The following FAM227B variants were observed in gnomAD, a reference collection of about 807,000 sequenced individuals.
FAM227B encodes the protein protein FAM227B.
A neutral mutation model predicts 73.8 loss-of-function variants in FAM227B; 88 were observed. The observed-to-expected ratio is 1.19, with a 90% CI of 1.00 to 1.42. The LOEUF is 1.42. FAM227B is among the 40% of genes most tolerant of loss of function. The pLI is 0.00. For synonymous variants in FAM227B, 210 were observed against 190.5 expected (o/e 1.10, Z -0.84); for missense variants, 632 against 590.9 (o/e 1.07, Z -0.72).
intron 3 of FAM227B, among the ~76,000 whole-genome samples, chr15:49,593,714 T>C (rs1363111149): frequency 6.6e-6 from 1 of 152,226 alleles, no homozygotes; most frequent in African/African-American, 2.4e-5. Flanking sequence ...TTAAGTTACT[T>C]CACTTAGAAT....
intron 10 of FAM227B, among the ~76,000 whole-genome samples, chr15:49,521,927 C>T (rs761880263): frequency 4.6e-5 from 7 of 152,128 alleles, no homozygotes; most frequent in South Asian, 2.1e-4. Flanking sequence ...CCTATCAGGG[C>T]GGCATTTCCA....
At chr15:49,541,889 T>A (rs978012557) in intron 9 of FAM227B, 83 bp from the exon 10 acceptor site, 11 of 1,070,026 alleles carry the variant, frequency 1.0e-5, no homozygotes, top group Middle Eastern at 3.5e-4. Flanking sequence ...TATTATTTTT[T>A]AAATTTGCCT....
At chr15:49,551,720 T>G (rs562185693) in intron 9 of FAM227B, among the ~76,000 whole-genome samples, 2 of 152,354 alleles carry the variant, frequency 1.3e-5, no homozygotes, top group East Asian at 3.9e-4. Flanking sequence ...TCTGGTGACA[T>G]GCTTTAGTTT....
chr15:49,439,717 T>C (rs1452001156), intron 11 of FAM227B, among the ~76,000 whole-genome samples: 1 of 151,778 alleles, frequency 6.6e-6, no homozygotes. Context: ...CGTGGCTCTC[T>C]TCTCTTACTG....
chr15:49,462,497 C>T (rs1476935048), intron 11 of FAM227B, among the ~76,000 whole-genome samples: 1 of 152,176 alleles, frequency 6.6e-6, no homozygotes, highest in Non-Finnish European at 1.5e-5. Flanking sequence ...TAATTTCTAA[C>T]ATAATTTGTT....
chr15:49,450,175 C>CAGAAG (rs1164641274), intron 11 of FAM227B, among the ~76,000 whole-genome samples: 1 of 152,048 alleles, frequency 6.6e-6, no homozygotes, highest in Non-Finnish European at 1.5e-5. Flanking sequence ...ATTAGAATGG[C>CAGAAG]AGAAGAGTGA....
At chr15:49,328,727 T>A in intron 15 of FAM227B, 52 bp from the exon 16 acceptor site, 1 of 1,521,328 alleles carries the variant, frequency 6.6e-7, no homozygotes, top group Non-Finnish European at 8.9e-7. Flanking sequence ...GGACATTGTA[T>A]AATTGAATTT....
intron 11 of FAM227B, among the ~76,000 whole-genome samples, chr15:49,451,574 A>AT (rs2052746054): frequency 6.6e-6 from 1 of 152,094 alleles, no homozygotes; most frequent in South Asian, 2.1e-4. Context: ...TCTTCTTAGA[A>AT]TTCCTCTTCA....
intron 3 of FAM227B, 108 bp downstream of exon 3, chr15:49,611,107 C>A (rs2077883441): frequency 3.0e-6 from 2 of 656,614 alleles, no homozygotes; most frequent in South Asian, 4.2e-5. Flanking sequence ...CTCATTGAAA[C>A]ATATTTCTGA....
chr15:49,495,593 G>A (rs57980364), intron 11 of FAM227B, among the ~76,000 whole-genome samples: 45,446 of 152,050 alleles, frequency 0.3, 7,154 homozygotes, highest in East Asian at 0.38. Context: ...TTTTAATGAT[G>A]TATAATGAAA....
chr15:49,591,484 CTTTTT>C (rs71120696), intron 3 of FAM227B, among the ~76,000 whole-genome samples: 9 of 55,408 alleles, frequency 1.6e-4, no homozygotes, highest in African/African-American at 5.4e-4. Flanking sequence ...CCCTTCCTTC[CTTTTT>C]TTTTTTTTTT....
intron 11 of FAM227B, among the ~76,000 whole-genome samples, chr15:49,438,883 G>A (rs774743508): frequency 3.3e-5 from 5 of 149,640 alleles, no homozygotes; most frequent in Non-Finnish European, 7.4e-5. Flanking sequence ...TAAGAGAGAG[G>A]GAGAAAAAAG....
intron 11 of FAM227B, among the ~76,000 whole-genome samples, chr15:49,465,544 C>CA (rs1567330221): frequency 6.6e-6 from 1 of 151,874 alleles, no homozygotes; most frequent in Non-Finnish European, 1.5e-5. Context: ...ATGAGTGTTG[C>CA]ATGTTGAAAA....
At chr15:49,568,381 CA>C (rs751963303) in intron 8 of FAM227B, 35 bp from the exon 9 acceptor site, 1 of 1,501,496 alleles carries the variant, frequency 6.7e-7, no homozygotes, top group Admixed American at 1.8e-5. Flanking sequence ...GTCAATATTA[CA>C]ATTTAAAACT....
chr15:49,401,353 A>G (rs2048131404), intron 11 of FAM227B, among the ~76,000 whole-genome samples: 1 of 152,218 alleles, frequency 6.6e-6, no homozygotes, highest in African/African-American at 2.4e-5. Flanking sequence ...AGGAAACAAC[A>G]GGTGCTGGAG....
chr15:49,565,417 A>G (rs2007474), intron 9 of FAM227B, among the ~76,000 whole-genome samples: 48,311 of 150,020 alleles, frequency 0.32, 8,554 homozygotes, highest in African/African-American at 0.45. Flanking sequence ...ATCAACAAAT[A>G]TAAGGGACTA....
intron 3 of FAM227B, among the ~76,000 whole-genome samples, chr15:49,609,555 C>T (rs2077750615): frequency 6.6e-6 from 1 of 151,904 alleles, no homozygotes; most frequent in African/African-American, 2.4e-5. Flanking sequence ...TCCATAAGGG[C>T]AGGCATCTTT....
chr15:49,433,161 AATT>A (rs1383262833), intron 11 of FAM227B, among the ~76,000 whole-genome samples: 1 of 151,414 alleles, frequency 6.6e-6, no homozygotes, highest in African/African-American at 2.4e-5. Flanking sequence ...CAAAGAAATC[AATT>A]ATTTGAGATT....
intron 4 of FAM227B, 73 bp downstream of exon 4, chr15:49,589,703 A>G (rs2076409699): frequency 1.0e-6 from 1 of 979,912 alleles, no homozygotes; most frequent in Non-Finnish European, 1.6e-6. Context: ...ACTTGAGGCC[A>G]AGATTTGGAG....
Sources: allele counts gnomAD v4.1 joint callset (sites outside exome capture counted in the v4.1 genomes callset), GRCh38; gene constraint gnomAD v4.1.1; transcripts MANE v1.5; gene names NCBI Gene and HGNC (gene_info 2026-07-23, HGNC 2026-07-21).